CCT8: variants seen among roughly 807,000 people sequenced by gnomAD.
CCT8 encodes T-complex protein 1 subunit theta.
In CCT8, 10 loss-of-function variants were observed where a neutral mutation model predicts 65.7. The observed-to-expected ratio is 0.15, with a 90% CI of 0.09 to 0.26. CCT8 has a LOEUF of 0.26. Among genes scored for constraint, CCT8 ranks in the 10% least tolerant of loss-of-function variants. The probability of loss-of-function intolerance (pLI) is 1.00; values close to 1 mark genes in which losing one functional copy is unlikely to be tolerated. For missense variants in CCT8, 568 were observed against 669.1 expected, an observed-to-expected ratio of 0.85 and a Z score of 1.67; for synonymous variants, 199 against 221.8, an observed-to-expected ratio of 0.90 and a Z score of 0.92.
chr21:29,070,399 A>C lies in CCT8; in HGVS notation c.61-62T>G, dbSNP rs2085668361. The stretch of plus-strand genomic sequence containing the variant: ...GACAGGACAGTGAAACAAAAATTTC[A>C]AATACAAGATATCTTTGCTTATATC... On this transcript the variant is annotated intron_variant, in intron 1 of 14. Coordinates refer to ENST00000286788, the MANE Select transcript of CCT8 (RefSeq NM_006585.4). 5 of 979,416 alleles carry C rather than the reference A, an allele frequency of 5.1e-6. No homozygotes were observed. In the East Asian group the frequency reaches 1.3e-4, roughly 25 times the overall value. The allele number at this position is 979,416 out of a possible 1,614,324, so 60.7% of individuals were successfully genotyped here.
rs1229943991 is a variant in CCT8 at position 29,060,624 on chromosome 21, C to T, written c.1486G>A (p.Gly496Ser). 1.9e-6 allele frequency: 3 copies of T among 1,613,612 alleles called. No homozygotes were observed. Among genetic ancestry groups the T allele is most frequent in the East Asian group, 2.2e-5 (1 of 44,862 alleles). ...VPAVKDMLEA[G>S]ILDTYLGKYW... Reference sequence around the variant, plus strand: ...TTTCCCAGGTAAGTATCTAGAATACCAGCTTCCAGCATGTCCTTTACAGCA... The same window carrying T: ...TTTCCCAGGTAAGTATCTAGAATACTAGCTTCCAGCATGTCCTTTACAGCA... Residue 496 changes from glycine (G) to serine (S), a missense_variant, in exon 14 of 15, where the codon GGT (glycine) becomes AGT (serine). By Grantham distance (56) the Gly-to-Ser change is moderately conservative (BLOSUM62 0). Transcript: ENST00000286788.
At chr21:29,065,217 C>T (rs565031384) in intron 6 of CCT8, 112 bp from the exon 7 acceptor site, 5 of 1,114,300 alleles carry the variant, frequency 4.5e-6, no homozygotes, top group Non-Finnish European at 6.5e-6. Context: ...AGTCATAAAC[C>T]AAGGCAGTGA....
chr21:29,063,040 T>A (rs1044521593), intron 8 of CCT8, among the ~76,000 whole-genome samples: 5 of 152,202 alleles, frequency 3.3e-5, no homozygotes, highest in East Asian at 1.9e-4. Flanking sequence ...TTAAAAGGGA[T>A]CTTCCTGACT....
intron 2 of CCT8, 34 bp downstream of exon 2, chr21:29,070,212 TA>T (rs1419873886): frequency 7.7e-7 from 1 of 1,296,808 alleles, no homozygotes; most frequent in Non-Finnish European, 1.1e-6. Flanking sequence ...AATATTCTAC[TA>T]CTGTATCTTT....
chr21:29,068,745 G>A (rs927378219), intron 3 of CCT8, among the ~76,000 whole-genome samples: 2 of 152,202 alleles, frequency 1.3e-5, no homozygotes, highest in Non-Finnish European at 2.9e-5. Context: ...GATTACAGGC[G>A]TGAGCCACCG....
rs1162003586 is a variant in CCT8 at position 29,056,565 on chromosome 21, G to T, written c.1570-13C>A. The T allele has an allele frequency of 1.3e-6, 2 of 1,525,324 alleles. No homozygotes were observed. The highest frequency in any genetic ancestry group is 1.8e-6 in the Non-Finnish European group (2 of 1,131,318). The allele number at this position is 1,525,324 out of a possible 1,614,324, so 94.5% of individuals were successfully genotyped here. A position where few individuals can be genotyped will look rare whatever the true frequency, so the allele number is the denominator to read the frequency against. On this transcript the variant is annotated splice_polypyrimidine_tract_variant and intron_variant, in intron 14 of 14. Coordinates refer to ENST00000286788, the MANE Select transcript of CCT8 (RefSeq NM_006585.4). ...TTGCCATGATGATCTGCATAAAAAA[G>T]AATCACACAAGAGTATGCTTATCAA...
intron 1 of CCT8, 178 bp downstream of exon 1, chr21:29,073,353 C>T (rs1601099791): frequency 1.4e-6 from 2 of 1,428,204 alleles, no homozygotes; most frequent in East Asian, 2.5e-5. Flanking sequence ...AAGAGAAGTG[C>T]CCGCAGGCTC....
In CCT8 at chr21:29,062,396, T is replaced by C; in HGVS notation, c.1028A>G (p.Glu343Gly). 6.2e-7 allele frequency: 1 copy of C among 1,613,956 alleles called. No individual in the cohort carries two copies. Among genetic ancestry groups the C allele is most frequent in the African/African-American group, 1.3e-5 (1 of 75,060 alleles). Residue 343 changes from glutamate to glycine, a missense_variant, in exon 10 of 15, where the codon GAA becomes GGA. Physicochemically the swap from Glu to Gly is moderately conservative, Grantham distance 98. Coordinates refer to ENST00000286788, the MANE Select transcript of CCT8 (RefSeq NM_006585.4). ...GTAAACACTGTCACAGTGTCCCATTTCTTCAAGGACAGGAGGTGTCTGTAA... is the reference window on the plus strand; with the variant it reads ...GTAAACACTGTCACAGTGTCCCATTCCTTCAAGGACAGGAGGTGTCTGTAA... Reference protein sequence around the residue: ...LPRLTPPVLEEMGHCDSVYLS... With the variant: ...LPRLTPPVLEGMGHCDSVYLS...
At chr21:29,061,207 G>C (rs1231293618) in intron 13 of CCT8, 46 bp downstream of exon 13, 1 of 1,409,952 alleles carries the variant, frequency 7.1e-7, no homozygotes. Flanking sequence ...TTTAGGTTGT[G>C]CATTCCCCAA....
At position 29,060,584 on chromosome 21, in the gene CCT8, T is replaced by C. The variant is rs376123756; in HGVS notation, c.1526A>G (p.Lys509Arg). 4 of 1,613,840 alleles carry C rather than the reference T, an allele frequency of 2.5e-6. No individual in the cohort carries two copies. Among genetic ancestry groups the C allele is most frequent in the Non-Finnish European group, 3.4e-6 (4 of 1,179,862 alleles). Residue 509 changes from lysine to arginine, a missense_variant, in exon 14 of 15, where the codon AAA (lysine) becomes AGA (arginine). Physicochemically the swap from Lys to Arg is conservative, Grantham distance 26 (BLOSUM62 2). Transcript: ENST00000286788. ...AGTGACTGCAGCATTAGTAGCGAGT[T>C]TGATAGCCCAATATTTTCCCAGGTA... ...DTYLGKYWAI[K>R]LATNAAVTVL...
intron 13 of CCT8, 53 bp from the exon 14 acceptor site, chr21:29,060,713 T>C (rs1157889532): frequency 6.3e-7 from 1 of 1,598,846 alleles, no homozygotes; most frequent in Non-Finnish European, 8.5e-7. Context: ...TGTGAAAATG[T>C]TTACACCCAC....
At position 29,070,228 on chromosome 21, in the gene CCT8, A is replaced by G. The variant is rs766713217; in HGVS notation, c.151+19T>C. On this transcript the variant is annotated intron_variant, in intron 2 of 14. Transcript: ENST00000286788. Reference sequence around the variant, plus strand: ...ATATTCTACTACTGTATCTTTACAAATATTAATTTAGAAATTACCATTTGG... The same window carrying G: ...ATATTCTACTACTGTATCTTTACAAGTATTAATTTAGAAATTACCATTTGG... 1 of 1,481,150 alleles carries G rather than the reference A, an allele frequency of 6.8e-7. No homozygotes were observed. Among genetic ancestry groups the G allele is most frequent in the South Asian group, 1.2e-5 (1 of 85,808 alleles). The allele number at this position is 1,481,150 out of a possible 1,614,324, so 91.8% of individuals were successfully genotyped here. A position where few individuals can be genotyped will look rare whatever the true frequency, so the allele number is the denominator to read the frequency against.
At position 29,065,074 on chromosome 21, in the gene CCT8, T is replaced by C; in HGVS notation, c.656A>G (p.His219Arg). 1 of 1,614,050 alleles carries C rather than the reference T, an allele frequency of 6.2e-7. No homozygotes were observed. The highest frequency in any genetic ancestry group is 8.5e-7 in the Non-Finnish European group (1 of 1,179,956). ...GSGISSSSVL[H>R]GMVFKKETEG... The stretch of plus-strand genomic sequence containing the variant: ...GGTTTCCTTCTTAAAAACCATGCCA[T>C]GCAATACTGAAGAGGAACTGATACC... The change falls in exon 7 of 15, where the codon CAT (histidine) becomes CGT (arginine). Residue 219 changes from histidine (H) to arginine (R), a missense_variant. Transcript: ENST00000286788.
intron 8 of CCT8, chr21:29,062,870 A>G (rs1037331600): frequency 7.6e-6 from 3 of 393,190 alleles, no homozygotes; most frequent in African/African-American, 4.1e-5. Flanking sequence ...AGAAACCCTT[A>G]CAAAACTCAA....
chr21:29,059,139 G>A (rs1243202093), intron 14 of CCT8, among the ~76,000 whole-genome samples: 2 of 152,178 alleles, frequency 1.3e-5, no homozygotes, highest in Admixed American at 6.5e-5. Context: ...ACCATACTTT[G>A]AGAACTAGTG....
intron 3 of CCT8, among the ~76,000 whole-genome samples, chr21:29,068,516 G>A (rs1178374895): frequency 2.6e-5 from 4 of 151,960 alleles, no homozygotes; most frequent in Non-Finnish European, 5.9e-5. Context: ...CTGGAGTGCA[G>A]TGGCGCGATC....
chr21:29,061,753 GCA>G (rs1222134758), intron 11 of CCT8, among the ~76,000 whole-genome samples, 186 bp from the exon 12 acceptor site: 1 of 152,174 alleles, frequency 6.6e-6, no homozygotes, highest in Non-Finnish European at 1.5e-5. Context: ...TTTTCTTAGT[GCA>G]CAGTGTCTGG....
At chr21:29,057,166 CTTTTTTT>C (rs10708433) in intron 14 of CCT8, among the ~76,000 whole-genome samples, 2 of 139,050 alleles carry the variant, frequency 1.4e-5, no homozygotes, top group African/African-American at 5.2e-5. Flanking sequence ...TAGGTTTTAG[CTTTTTTT>C]TTTTTTTTCT....
intron 14 of CCT8, chr21:29,058,336 G>A (rs1485516583): frequency 6.6e-6 from 1 of 151,764 alleles, no homozygotes; most frequent in African/African-American, 2.4e-5. Context: ...AGCTACTCGG[G>A]AGGCTGATGC....
Sources: allele counts gnomAD v4.1 joint callset (sites outside exome capture counted in the v4.1 genomes callset), GRCh38; gene constraint gnomAD v4.1.1; transcripts MANE v1.5; gene names NCBI Gene and HGNC (gene_info 2026-07-23, HGNC 2026-07-21).